Variants in NALF1 observed in about 807,000 individuals in gnomAD.
NALF1 encodes the protein family with sequence similarity 155 member A.
In NALF1, 3 loss-of-function variants were observed where a neutral mutation model predicts 48.4. The ratio of observed to expected loss-of-function variants is 0.06; its 90% CI spans 0.03 to 0.16. The LOEUF is 0.16. Ranked by LOEUF, NALF1 falls within the 10% of genes least tolerant of loss-of-function variation. The probability of loss-of-function intolerance (pLI) is 1.00; values close to 1 mark genes in which losing one functional copy is unlikely to be tolerated. For missense variants in NALF1, 526 were observed against 571.5 expected, an observed-to-expected ratio of 0.92 and a Z score of 0.81; for synonymous variants, 262 against 245.7, an observed-to-expected ratio of 1.07 and a Z score of -0.62.
In NALF1 at chr13:107,193,303, C is replaced by A. The variant is rs762926190; in HGVS notation, c.1087+17281G>T. 3.6e-4 allele frequency among the ~76,000 whole-genome samples: 54 copies of A among 151,976 alleles called. 1 individual carries two copies. The highest frequency in any genetic ancestry group is 2.4e-3 in the Admixed American group (36 of 15,248). On this transcript the variant is annotated intron_variant, in intron 2 of 2. Transcript: ENST00000375915. Reference sequence around the variant, plus strand: ...ACAAAACGGCTAGAATTTTCAGAGACCGTTTTTTACTGTCTAGAATAGGCA... The same window carrying A: ...ACAAAACGGCTAGAATTTTCAGAGAACGTTTTTTACTGTCTAGAATAGGCA...
At chr13:107,708,509 AAGAC>A (rs1875469799) in intron 1 of NALF1, among the ~76,000 whole-genome samples, 1 of 136,878 alleles carries the variant, frequency 7.3e-6, no homozygotes, top group South Asian at 2.5e-4. Context: ...ATATTAATAA[AAGAC>A]AAGCTGTAAT....
At chr13:107,386,270 T>C (rs1412486454) in intron 1 of NALF1, among the ~76,000 whole-genome samples, 2 of 152,168 alleles carry the variant, frequency 1.3e-5, no homozygotes, top group African/African-American at 4.8e-5. Context: ...ATTCACAAAA[T>C]AAAGTGTCTA....
At chr13:107,611,194 A>G (rs1879215957) in intron 1 of NALF1, among the ~76,000 whole-genome samples, 1 of 152,188 alleles carries the variant, frequency 6.6e-6, no homozygotes, top group Non-Finnish European at 1.5e-5. Context: ...GTGCTAAGGG[A>G]AAACAAGGAA....
chr13:107,179,540 AAT>A (rs1339691843), intron 2 of NALF1, among the ~76,000 whole-genome samples: 1 of 152,144 alleles, frequency 6.6e-6, no homozygotes, highest in Non-Finnish European at 1.5e-5. Context: ...ATAAAGAAAG[AAT>A]AAATACTTGA....
intron 1 of NALF1, among the ~76,000 whole-genome samples, chr13:107,397,058 C>T (rs74683563): frequency 0.014 from 2,200 of 152,280 alleles, 25 homozygotes; most frequent in Middle Eastern, 0.051. Context: ...GGTCTAACAC[C>T]TGGGACTAGG....
intron 1 of NALF1, among the ~76,000 whole-genome samples, chr13:107,758,952 TG>T (rs1345720459): frequency 6.6e-6 from 1 of 152,134 alleles, no homozygotes; most frequent in Non-Finnish European, 1.5e-5. Context: ...CCAAGCTAGA[TG>T]ATCTAAGCTG....
intron 1 of NALF1, among the ~76,000 whole-genome samples, chr13:107,740,039 A>G (rs1429930857): frequency 6.6e-6 from 1 of 152,172 alleles, no homozygotes; most frequent in African/African-American, 2.4e-5. Context: ...TAATAGAAAT[A>G]AAGTGCACAA....
At chr13:107,766,099 CT>C (rs1170609176) in intron 1 of NALF1, among the ~76,000 whole-genome samples, 1 of 152,122 alleles carries the variant, frequency 6.6e-6, no homozygotes, top group Non-Finnish European at 1.5e-5. Context: ...TGATGATTGC[CT>C]TTCATACTGA....
chr13:107,323,407 A>G lies in NALF1; in HGVS notation c.916-112652T>C, dbSNP rs116886257. ...AATTCAACTGCACTGTTCAATTTCA[A>G]TCTTACATGACTGTTGTTTATTTTT... On this transcript the variant is annotated intron_variant, in intron 1 of 2. Transcript: ENST00000375915. Among the ~76,000 whole-genome samples, 810 of 152,270 alleles carry G rather than the reference A, an allele frequency of 5.3e-3. 5 individuals are homozygous for G. Among genetic ancestry groups the G allele is most frequent in the Middle Eastern group, 0.014 (4 of 294 alleles).
chr13:107,193,301 G>A (rs1238417484), intron 2 of NALF1, among the ~76,000 whole-genome samples: 2 of 152,146 alleles, frequency 1.3e-5, no homozygotes, highest in African/African-American at 4.8e-5. Context: ...AATTTTCAGA[G>A]ACCGTTTTTT....
At chr13:107,504,837 G>A (rs771329602) in intron 1 of NALF1, among the ~76,000 whole-genome samples, 2 of 152,156 alleles carry the variant, frequency 1.3e-5, no homozygotes. Flanking sequence ...TGAAGCTGCT[G>A]TGAGCCCTCA....
chr13:107,843,892 T>C (rs16971280), intron 1 of NALF1, among the ~76,000 whole-genome samples: 2,678 of 152,276 alleles, frequency 0.018, 91 homozygotes, highest in African/African-American at 0.061. Flanking sequence ...AAAAATTATA[T>C]TGTGTAACAT....
intron 1 of NALF1, among the ~76,000 whole-genome samples, chr13:107,678,029 GTTAAT>G (rs1881178257): frequency 1.3e-5 from 2 of 152,126 alleles, no homozygotes; most frequent in South Asian, 2.1e-4. Context: ...AATCTTTTCA[GTTAAT>G]TTATTTATTT....
chr13:107,519,072 T>C (rs1266272123), intron 1 of NALF1, among the ~76,000 whole-genome samples: 2 of 152,076 alleles, frequency 1.3e-5, no homozygotes, highest in Non-Finnish European at 2.9e-5. Context: ...TAATTTAGTG[T>C]CTGCCTTCAG....
At chr13:107,598,046 G>A (rs968176075) in intron 1 of NALF1, among the ~76,000 whole-genome samples, 4 of 152,086 alleles carry the variant, frequency 2.6e-5, no homozygotes, top group African/African-American at 7.2e-5. Context: ...ATTTTTCTAG[G>A]TAATGTGATA....
At chr13:107,810,606 A>G (rs559687069) in intron 1 of NALF1, among the ~76,000 whole-genome samples, 73 of 152,190 alleles carry the variant, frequency 4.8e-4, no homozygotes, top group African/African-American at 1.8e-3. Context: ...AGCTAACATT[A>G]TTTTTCAAAA....
At chr13:107,328,922 CA>C (rs755525001) in intron 1 of NALF1, among the ~76,000 whole-genome samples, 1 of 152,074 alleles carries the variant, frequency 6.6e-6, no homozygotes, top group East Asian at 1.9e-4. Flanking sequence ...ATAGGTCTAC[CA>C]AAAATGTTGT....
At chr13:107,239,757 C>T (rs1181152268) in intron 1 of NALF1, among the ~76,000 whole-genome samples, 1 of 152,106 alleles carries the variant, frequency 6.6e-6, no homozygotes, top group African/African-American at 2.4e-5. Context: ...AGAAGAGAGA[C>T]TGGGGATTAA....
chr13:107,630,514 T>A (rs1280725705), intron 1 of NALF1, among the ~76,000 whole-genome samples: 1 of 152,100 alleles, frequency 6.6e-6, no homozygotes, highest in African/African-American at 2.4e-5. Flanking sequence ...TTTTTAACCA[T>A]TAGAGCCCCT....
Sources: gnomAD v4.1 joint callset for allele counts (sites outside exome capture counted in the v4.1 genomes callset) on GRCh38, gnomAD v4.1.1 for gene constraint, MANE v1.5 for transcripts, NCBI Gene and HGNC (gene_info 2026-07-23, HGNC 2026-07-21) for gene names.